DAB1: variants seen among roughly 807,000 people sequenced by gnomAD.
DAB1 encodes DAB adaptor protein 1.
DAB1 carries 15 observed loss-of-function variants against 64.6 expected under a neutral mutation model. That is an observed-to-expected ratio of 0.23 (90% CI 0.16 to 0.36). The LOEUF (loss-of-function observed/expected upper bound fraction) is 0.36. DAB1 is among the 10% of genes least tolerant of loss of function. The probability of loss-of-function intolerance (pLI) is 1.00; values close to 1 mark genes in which losing one functional copy is unlikely to be tolerated. For missense variants in DAB1, 596 were observed against 706.7 expected (o/e 0.84, Z 1.78); for synonymous variants, 235 against 251.9 (o/e 0.93, Z 0.64).
At chr1:57,271,067 T>G (rs1436735898) in intron 2 of DAB1, among the ~76,000 whole-genome samples, 1 of 152,140 alleles carries the variant, frequency 6.6e-6, no homozygotes, top group Non-Finnish European at 1.5e-5. Flanking sequence ...TGTAAGCCTT[T>G]CCCCAGAAAG....
intron 6 of DAB1, among the ~76,000 whole-genome samples, chr1:57,791,249 C>T (rs1326693709): frequency 6.6e-6 from 1 of 152,162 alleles, no homozygotes; most frequent in Admixed American, 6.5e-5. Flanking sequence ...CCCTAGGCCC[C>T]CCTGTGTTGG....
chr1:58,312,999 T>C (rs1662465063), intron 4 of DAB1, among the ~76,000 whole-genome samples: 2 of 152,172 alleles, frequency 1.3e-5, no homozygotes, highest in Non-Finnish European at 2.9e-5. Context: ...ATATTAGCTA[T>C]CTTTTTTATT....
intron 6 of DAB1, among the ~76,000 whole-genome samples, chr1:57,807,502 T>C (rs563603256): frequency 6.6e-6 from 1 of 152,314 alleles, no homozygotes; most frequent in South Asian, 2.1e-4. Context: ...GTCATCAAGA[T>C]TTTGGTTAAC....
At chr1:58,043,881 C>T (rs1647182373) in intron 5 of DAB1, among the ~76,000 whole-genome samples, 1 of 152,154 alleles carries the variant, frequency 6.6e-6, no homozygotes, top group Non-Finnish European at 1.5e-5. Flanking sequence ...GCACACACCA[C>T]TACGTTTGGC....
chr1:58,167,915 A>G (rs1477222959), intron 4 of DAB1, among the ~76,000 whole-genome samples: 1 of 152,218 alleles, frequency 6.6e-6, no homozygotes, highest in African/African-American at 2.4e-5. Context: ...AAGAACTGTA[A>G]CACTCACTGT....
chr1:58,456,372 G>A (rs568259627), intron 3 of DAB1, among the ~76,000 whole-genome samples: 3 of 152,320 alleles, frequency 2.0e-5, no homozygotes, highest in African/African-American at 7.2e-5. Context: ...TGTCTGGGGG[G>A]AGGGTGTGAG....
chr1:58,301,343 C>A (rs1402887745), intron 4 of DAB1, among the ~76,000 whole-genome samples: 2 of 152,160 alleles, frequency 1.3e-5, no homozygotes, highest in Admixed American at 1.3e-4. Flanking sequence ...TTTATCTCAA[C>A]CTCTGGGAGA....
chr1:57,130,134 C>T (rs1417123407), intron 4 of DAB1, among the ~76,000 whole-genome samples: 2 of 151,746 alleles, frequency 1.3e-5, no homozygotes, highest in East Asian at 3.9e-4. Context: ...GAAGTAGGGA[C>T]ATCATAAAAG....
intron 4 of DAB1, among the ~76,000 whole-genome samples, chr1:58,314,533 C>T (rs931581245): frequency 2.0e-5 from 3 of 152,118 alleles, no homozygotes; most frequent in African/African-American, 7.2e-5. Context: ...ACGATTGAGT[C>T]GTATTTACTC....
chr1:58,546,244 AAG>A (rs780341600), intron 1 of DAB1, among the ~76,000 whole-genome samples: 49 of 152,348 alleles, frequency 3.2e-4, no homozygotes, highest in Admixed American at 1.4e-3. Context: ...GAAGGGGTGA[AAG>A]AGACGAATGC....
At chr1:58,498,674 C>T (rs973486282) in intron 3 of DAB1, among the ~76,000 whole-genome samples, 1 of 152,174 alleles carries the variant, frequency 6.6e-6, no homozygotes, top group Non-Finnish European at 1.5e-5. Context: ...GCCTATATAA[C>T]TATGTTTCTT....
intron 3 of DAB1, among the ~76,000 whole-genome samples, chr1:58,464,566 T>C (rs1449869969): frequency 6.6e-6 from 1 of 152,226 alleles, no homozygotes; most frequent in Non-Finnish European, 1.5e-5. Flanking sequence ...GTACTAGCTG[T>C]GTGGCCTTGT....
At chr1:58,109,829 G>A (rs1309268093) in intron 5 of DAB1, among the ~76,000 whole-genome samples, 1 of 151,454 alleles carries the variant, frequency 6.6e-6, no homozygotes, top group African/African-American at 2.4e-5. Flanking sequence ...ATCTCCTGCA[G>A]AGAAGGGGAG....
chr1:57,451,493 A>C (rs1686362485), intron 7 of DAB1, among the ~76,000 whole-genome samples: 2 of 152,198 alleles, frequency 1.3e-5, no homozygotes, highest in Admixed American at 6.5e-5. Context: ...TGTGTAGGAC[A>C]AAGAAGGCTA....
intron 2 of DAB1, among the ~76,000 whole-genome samples, chr1:57,239,068 G>A (rs1474644572): frequency 1.3e-5 from 2 of 151,960 alleles, no homozygotes; most frequent in Non-Finnish European, 2.9e-5. Flanking sequence ...AGAAGTCCAG[G>A]ACACACTCTT....
At chr1:58,413,095 G>C (rs1444245423) in intron 3 of DAB1, among the ~76,000 whole-genome samples, 2 of 152,194 alleles carry the variant, frequency 1.3e-5, no homozygotes, top group African/African-American at 4.8e-5. Context: ...ATGAGGACAG[G>C]GAGGAGAGCA....
In DAB1 at chr1:58,337,534, T is replaced by C. The variant is rs554858301; in HGVS notation, n.309+5818A>G. On this transcript the variant is annotated intron_variant and non_coding_transcript_variant, in intron 4 of 20. Transcript: ENST00000485760. ...TTTGTGTTCAAAAACCTATTTTAAA[T>C]CTTAGCTCTGCCATTACTAGTTCTG... Among the ~76,000 whole-genome samples the C allele has an allele frequency of 2.0e-5, 3 of 152,268 alleles. No individual in the cohort carries two copies. The South Asian group carries it at 6.2e-4, about 32-fold the overall frequency.
chr1:58,187,648 T>G (rs1468032160), intron 4 of DAB1, among the ~76,000 whole-genome samples: 1 of 149,880 alleles, frequency 6.7e-6, no homozygotes, highest in Non-Finnish European at 1.5e-5. Context: ...GGCATGATCT[T>G]AGCTCACTGC....
intron 7 of DAB1, among the ~76,000 whole-genome samples, chr1:57,612,791 C>T (rs1039405669): frequency 6.6e-6 from 1 of 152,090 alleles, no homozygotes; most frequent in African/African-American, 2.4e-5. Flanking sequence ...TCCATCCCCA[C>T]CCCCCAACTA....
Sources: allele counts gnomAD v4.1 joint callset (sites outside exome capture counted in the v4.1 genomes callset), GRCh38; gene constraint gnomAD v4.1.1; transcripts MANE v1.5; gene names NCBI Gene and HGNC (gene_info 2026-07-23, HGNC 2026-07-21).